Variants in NFIC observed in about 807,000 individuals in gnomAD.
NFIC encodes nuclear factor I C, also known as nuclear factor 1 C-type.
Under a neutral mutation model 54.4 loss-of-function variants are expected in NFIC, and 12 were observed. The ratio of observed to expected loss-of-function variants is 0.22; its 90% CI spans 0.14 to 0.36. NFIC has a LOEUF of 0.36. NFIC is among the 10% of genes least tolerant of loss of function. The probability of loss-of-function intolerance (pLI) is 1.00; values close to 1 mark genes in which losing one functional copy is unlikely to be tolerated. For synonymous variants in NFIC, 322 were observed against 319.2 expected (o/e 1.01, Z -0.09); for missense variants, 575 against 718.2 (o/e 0.80, Z 2.28).
chr19:3,366,556 C>CGGGG (rs1191836660), upstream of NFIC: 22 of 493,170 alleles, frequency 4.5e-5, no homozygotes, highest in Admixed American at 7.0e-5. Flanking sequence ...TTGGGGGGGG[C>CGGGG]GGGGGGGTGG....
chr19:3,404,454 C>T (rs889549059), intron 2 of NFIC, among the ~76,000 whole-genome samples: 5 of 152,140 alleles, frequency 3.3e-5, no homozygotes, highest in African/African-American at 1.2e-4. Flanking sequence ...TGGCCGTGCG[C>T]GGGTGGGCGC....
intron 6 of NFIC, among the ~76,000 whole-genome samples, chr19:3,443,420 CT>C (rs2082323211): frequency 6.7e-6 from 1 of 150,044 alleles, no homozygotes. Flanking sequence ...GAGACCCTAT[CT>C]CAAAAAAAAA....
At chr19:3,456,214 C>T (rs1032837559) in intron 9 of NFIC, among the ~76,000 whole-genome samples, 1 of 152,236 alleles carries the variant, frequency 6.6e-6, no homozygotes, top group East Asian at 1.9e-4. Context: ...GTGGCAGGAC[C>T]GGGCGGGCGC....
At chr19:3,361,524 T>C (rs1394975629) in intron 1 of NFIC, among the ~76,000 whole-genome samples, 1 of 139,976 alleles carries the variant, frequency 7.1e-6, no homozygotes, top group Admixed American at 7.4e-5. Context: ...GCGTTTGATA[T>C]AATTTTCTAA....
In NFIC at chr19:3,464,646, C is replaced by T; in HGVS notation, c.*1877C>T. ...TCTCCGGGTCTCACCTGCTCCTAGC[C>T]TCACCCCCCTGCCCCCGAAAACCAG... On this transcript the variant is annotated 3_prime_UTR_variant, in exon 11 of 11. Transcript: ENST00000443272. 1 of 984,306 alleles carries T rather than the reference C, an allele frequency of 1.0e-6. No individual in the cohort carries two copies. The allele number at this position is 984,306 out of a possible 1,614,324, so 61.0% of individuals were successfully genotyped here.
chr19:3,378,947 C>T (rs1323853055), intron 1 of NFIC, among the ~76,000 whole-genome samples: 2 of 152,212 alleles, frequency 1.3e-5, no homozygotes, highest in African/African-American at 4.8e-5. Context: ...TCCCCCCACC[C>T]TTCCAGCAGC....
At chr19:3,404,417 G>T (rs543808771) in intron 2 of NFIC, among the ~76,000 whole-genome samples, 2 of 152,174 alleles carry the variant, frequency 1.3e-5, no homozygotes, top group African/African-American at 4.8e-5. Context: ...AATGGGGAGG[G>T]GGCGCGGAGG....
upstream of NFIC, among the ~76,000 whole-genome samples, chr19:3,365,676 T>C (rs1182874738): frequency 1.3e-5 from 2 of 152,198 alleles, no homozygotes; most frequent in Non-Finnish European, 2.9e-5. Flanking sequence ...GTGGAAATTA[T>C]TGGATACCCA....
In NFIC at chr19:3,437,673, G is replaced by GT. The variant is rs1194556834; in HGVS notation, c.958+2474dup. 3.3e-3 allele frequency among the ~76,000 whole-genome samples: 488 copies of GT among 146,056 alleles called. 4 individuals carry two copies. The highest frequency in any genetic ancestry group is 0.011 in the African/African-American group (451 of 39,784). On this transcript the variant is annotated intron_variant, in intron 6 of 10. Transcript: ENST00000443272. ...AGAAAAAAAAAGTCACTTCTGTTTC[G>GT]TTTTTTTTGTTTTTTGTTTTTTGTT...
chr19:3,380,057 G>A lies in NFIC; in HGVS notation c.31-1655G>A, dbSNP rs2081176192. 2.0e-5 allele frequency among the ~76,000 whole-genome samples: 3 copies of A among 151,602 alleles called. No homozygotes were observed. The South Asian group carries it at 6.3e-4, about 32-fold the overall frequency. On this transcript the variant is annotated intron_variant, in intron 1 of 10. Transcript: ENST00000443272. The stretch of plus-strand genomic sequence containing the variant: ...GCTCTGTCGCCCAGGCTGGAGTGCA[G>A]TGGCGCAATCTCGGCTCACTGCAAG...
rs548257806 is a variant in NFIC at position 3,387,151 on chromosome 19, G to A, written c.562+4908G>A. Among the ~76,000 whole-genome samples, 10 of 152,326 alleles carry A rather than the reference G, an allele frequency of 6.6e-5. No individual in the cohort carries two copies. In the South Asian group the frequency reaches 1.9e-3, roughly 28 times the overall value. On this transcript the variant is annotated intron_variant, in intron 2 of 10. Coordinates refer to ENST00000443272, the MANE Select transcript of NFIC (RefSeq NM_001245002.2). ...CCTCTTGGAGGGGTGCAGGGTGGAT[G>A]GCGGTGGAGGGGCACCTGCCATGGG... is the stretch of plus-strand genomic sequence containing the variant.
chr19:3,435,605 A>T (rs2145634273), intron 6 of NFIC, among the ~76,000 whole-genome samples: 1 of 151,544 alleles, frequency 6.6e-6, no homozygotes, highest in South Asian at 2.1e-4. Context: ...TCCCCTCTAG[A>T]AGGTCCTGAG....
chr19:3,447,141 A>T (rs2082384543), intron 6 of NFIC, among the ~76,000 whole-genome samples: 1 of 152,062 alleles, frequency 6.6e-6, no homozygotes, highest in South Asian at 2.1e-4. Context: ...TCTACTAAAA[A>T]TACAAAAATG....
chr19:3,429,297 A>ACACACACACACAC (rs2082084834), intron 3 of NFIC, among the ~76,000 whole-genome samples: 1 of 88,316 alleles, frequency 1.1e-5, no homozygotes, highest in African/African-American at 3.5e-5. Flanking sequence ...CACACACACT[A>ACACACACACACAC]GCCAAACACG....
chr19:3,430,236 G>A (rs1337443352), intron 3 of NFIC, among the ~76,000 whole-genome samples: 1 of 150,948 alleles, frequency 6.6e-6, no homozygotes, highest in Non-Finnish European at 1.5e-5. Flanking sequence ...TCTAATTCCA[G>A]AACCTTTCTT....
chr19:3,386,467 C>T (rs1367395925), intron 2 of NFIC, among the ~76,000 whole-genome samples: 3 of 151,856 alleles, frequency 2.0e-5, no homozygotes, highest in Non-Finnish European at 4.4e-5. Flanking sequence ...AGATTACAGG[C>T]GAGCGCCACC....
chr19:3,385,296 C>T (rs2081277889), intron 2 of NFIC, among the ~76,000 whole-genome samples: 1 of 151,862 alleles, frequency 6.6e-6, no homozygotes, highest in Admixed American at 6.6e-5. Flanking sequence ...CTCAGCTGCC[C>T]ACTGGCTGGG....
intron 2 of NFIC, among the ~76,000 whole-genome samples, chr19:3,387,938 C>A (rs932706301): frequency 6.6e-6 from 1 of 152,148 alleles, no homozygotes; most frequent in Non-Finnish European, 1.5e-5. Context: ...GCCTCCCCGC[C>A]CCCTCTGGCA....
chr19:3,386,846 C>G (rs904022523), intron 2 of NFIC, among the ~76,000 whole-genome samples: 1 of 152,204 alleles, frequency 6.6e-6, no homozygotes, highest in Non-Finnish European at 1.5e-5. Context: ...TGGTCACCTT[C>G]TGGCAGGGTT....
Sources: gnomAD v4.1 joint callset for allele counts (sites outside exome capture counted in the v4.1 genomes callset) on GRCh38, gnomAD v4.1.1 for gene constraint, MANE v1.5 for transcripts, NCBI Gene and HGNC (gene_info 2026-07-23, HGNC 2026-07-21) for gene names.